The following GPC6 variants were observed in gnomAD, a reference collection of about 807,000 sequenced individuals.
GPC6 encodes glypican-6.
A neutral mutation model predicts 55.2 loss-of-function variants in GPC6; 14 were observed. The ratio of observed to expected loss-of-function variants is 0.25; its 90% CI spans 0.17 to 0.40. The LOEUF (loss-of-function observed/expected upper bound fraction) is 0.40. Among genes scored for constraint, GPC6 ranks in the 10% least tolerant of loss-of-function variants. GPC6 has a pLI of 1.00. For synonymous variants in GPC6, 278 were observed against 259.6 expected (o/e 1.07, Z -0.68); for missense variants, 641 against 708.5 (o/e 0.90, Z 1.08).
At chr13:94,276,560 G>A (rs1024541719) in intron 4 of GPC6, among the ~76,000 whole-genome samples, 6 of 152,020 alleles carry the variant, frequency 3.9e-5, no homozygotes, top group African/African-American at 1.4e-4. Flanking sequence ...GTGGTTTCCT[G>A]CACCTGTTGA....
At chr13:93,574,782 A>T (rs960788836) in intron 2 of GPC6, among the ~76,000 whole-genome samples, 1 of 152,036 alleles carries the variant, frequency 6.6e-6, no homozygotes. Flanking sequence ...CTGTCTAGAG[A>T]TTTGCTTTTT....
chr13:94,003,308 G>T (rs962776347), intron 3 of GPC6, among the ~76,000 whole-genome samples: 2 of 152,136 alleles, frequency 1.3e-5, no homozygotes, highest in Non-Finnish European at 2.9e-5. Context: ...ATAAGTTTAA[G>T]AACTTAAAAA....
At chr13:93,785,483 A>G (rs1885791082) in intron 2 of GPC6, among the ~76,000 whole-genome samples, 1 of 152,080 alleles carries the variant, frequency 6.6e-6, no homozygotes, top group African/African-American at 2.4e-5. Flanking sequence ...TAAATGGCTC[A>G]ATTGTTTCTG....
chr13:94,351,338 C>T (rs1287265548), intron 6 of GPC6, among the ~76,000 whole-genome samples: 2 of 152,056 alleles, frequency 1.3e-5, no homozygotes, highest in East Asian at 3.9e-4. Context: ...TTTCTGAAAG[C>T]AAAGTATGCC....
At chr13:93,326,456 G>A (rs930862591) in intron 1 of GPC6, among the ~76,000 whole-genome samples, 1 of 151,434 alleles carries the variant, frequency 6.6e-6, no homozygotes, top group Non-Finnish European at 1.5e-5. Context: ...ACACGCACAC[G>A]CACACACACA....
At chr13:93,319,729 A>T (rs1027920538) in intron 1 of GPC6, among the ~76,000 whole-genome samples, 3 of 152,180 alleles carry the variant, frequency 2.0e-5, no homozygotes, top group Non-Finnish European at 2.9e-5. Flanking sequence ...TGCTGAGTGC[A>T]TTGCCAAATT....
chr13:93,443,909 A>G (rs1877898076), intron 1 of GPC6, among the ~76,000 whole-genome samples: 1 of 152,200 alleles, frequency 6.6e-6, no homozygotes, highest in Non-Finnish European at 1.5e-5. Context: ...GTGCTTTGTA[A>G]AACAGTGCTT....
At chr13:94,051,664 A>T (rs766644050) in intron 4 of GPC6, among the ~76,000 whole-genome samples, 16 of 152,194 alleles carry the variant, frequency 1.1e-4, no homozygotes, top group Non-Finnish European at 2.2e-4. Flanking sequence ...GCACAAAATT[A>T]AAGGACTCTT....
chr13:94,149,646 C>T (rs998085420), intron 4 of GPC6, among the ~76,000 whole-genome samples: 2 of 151,870 alleles, frequency 1.3e-5, no homozygotes, highest in African/African-American at 2.4e-5. Context: ...AGGACCAAGC[C>T]CTGTAAGTCT....
intron 6 of GPC6, among the ~76,000 whole-genome samples, chr13:94,371,083 A>G (rs1594214103): frequency 6.6e-6 from 1 of 152,200 alleles, no homozygotes; most frequent in Admixed American, 6.5e-5. Flanking sequence ...TAGCCAGTAC[A>G]TATGCTGGAT....
At chr13:94,166,905 A>C (rs930492971) in intron 4 of GPC6, among the ~76,000 whole-genome samples, 1 of 152,230 alleles carries the variant, frequency 6.6e-6, no homozygotes, top group African/African-American at 2.4e-5. Context: ...TACAATGATC[A>C]AAGTTATTTT....
chr13:93,241,425 G>C (rs1876424423), intron 1 of GPC6, among the ~76,000 whole-genome samples: 1 of 152,120 alleles, frequency 6.6e-6, no homozygotes, highest in African/African-American at 2.4e-5. Context: ...GCTTGGTCTA[G>C]TCTCTTGGTA....
chr13:94,180,042 G>A (rs1888931312), intron 4 of GPC6, among the ~76,000 whole-genome samples: 1 of 152,172 alleles, frequency 6.6e-6, no homozygotes, highest in South Asian at 2.1e-4. Context: ...GGATTTGGTA[G>A]AGGCACAGGG....
upstream of GPC6, among the ~76,000 whole-genome samples, chr13:93,223,075 G>A (rs990399998): frequency 7.5e-6 from 1 of 132,936 alleles, no homozygotes; most frequent in South Asian, 2.5e-4. Flanking sequence ...GCTAGAAATG[G>A]GTCTTACACC....
At chr13:93,278,376 G>T (rs1235077008) in intron 1 of GPC6, among the ~76,000 whole-genome samples, 1 of 152,174 alleles carries the variant, frequency 6.6e-6, no homozygotes, top group Non-Finnish European at 1.5e-5. Flanking sequence ...CTGACCTCCA[G>T]AATTTCATCT....
chr13:94,333,238 G>C (rs1239639192), intron 6 of GPC6, among the ~76,000 whole-genome samples: 1 of 152,152 alleles, frequency 6.6e-6, no homozygotes, highest in Non-Finnish European at 1.5e-5. Context: ...GGTAAAGATA[G>C]TTTCTCAACT....
rs147277936 is a variant in GPC6, at chr13:93,771,493, A to G, written c.320-58661A>G. On this transcript the variant is annotated intron_variant, in intron 2 of 8. Transcript: ENST00000377047. ...GCAGGTTAGCTTTATGAAGGGTTGAATGGAATTTGGTGAGCTTTGAGGAGT... is the reference window on the plus strand; with the variant it reads ...GCAGGTTAGCTTTATGAAGGGTTGAGTGGAATTTGGTGAGCTTTGAGGAGT... 4.8e-3 allele frequency among the ~76,000 whole-genome samples: 727 copies of G among 152,222 alleles called. 6 individuals are homozygous for G. The highest frequency in any genetic ancestry group is 0.017 in the African/African-American group (707 of 41,536).
At chr13:94,322,919 G>A (rs9524435) in intron 6 of GPC6, among the ~76,000 whole-genome samples, 17,485 of 151,890 alleles carry the variant, frequency 0.12, 2,474 homozygotes, top group African/African-American at 0.34. Context: ...GAAGCATCTA[G>A]TATATAGCAG....
intron 6 of GPC6, among the ~76,000 whole-genome samples, chr13:94,378,556 T>C (rs1236645070): frequency 6.6e-6 from 1 of 152,138 alleles, no homozygotes; most frequent in East Asian, 1.9e-4. Context: ...TTTTGACAGG[T>C]CTTAAACTAA....
Sources: allele counts gnomAD v4.1 joint callset (sites outside exome capture counted in the v4.1 genomes callset), GRCh38; gene constraint gnomAD v4.1.1; transcripts MANE v1.5; gene names NCBI Gene and HGNC (gene_info 2026-07-23, HGNC 2026-07-21).